ROBO1: variants seen among roughly 807,000 people sequenced by gnomAD.
ROBO1 encodes roundabout homolog 1.
A neutral mutation model predicts 195.9 loss-of-function variants in ROBO1; 149 were observed. That is an observed-to-expected ratio of 0.76 (90% CI 0.67 to 0.87). The LOEUF is 0.87. ROBO1 is among the 40% of genes least tolerant of loss of function. The pLI is 0.00. For synonymous variants in ROBO1, 816 were observed against 733.2 expected (o/e 1.11, Z -1.82); for missense variants, 1,933 against 2,068.3 (o/e 0.93, Z 1.27).
At chr3:79,685,844 A>C (rs967100827) in intron 1 of ROBO1, among the ~76,000 whole-genome samples, 7 of 152,192 alleles carry the variant, frequency 4.6e-5, no homozygotes, top group Non-Finnish European at 1.0e-4. Context: ...CAATAGAAAA[A>C]GAGGGAATCT....
chr3:78,981,902 T>G (rs935614480), intron 3 of ROBO1, among the ~76,000 whole-genome samples: 1 of 151,896 alleles, frequency 6.6e-6, no homozygotes, highest in Non-Finnish European at 1.5e-5. Flanking sequence ...GAAATCCAAC[T>G]GTCTTAAAAC....
rs1708043372 is a variant in ROBO1, at chr3:78,671,159, T to A, written c.1343-858A>T. ...TAACCCTATGATTACATGAAAAAAATCTAAAATCTAAAAACTTTATCTGAC... is the reference window on the plus strand; with the variant it reads ...TAACCCTATGATTACATGAAAAAAAACTAAAATCTAAAAACTTTATCTGAC... On this transcript the variant is annotated intron_variant, in intron 10 of 30. Transcript: ENST00000464233. Among the ~76,000 whole-genome samples, 8 of 152,210 alleles carry A rather than the reference T, an allele frequency of 5.3e-5. No individual in the cohort carries two copies. The South Asian group carries it at 1.7e-3, about 32-fold the overall frequency.
intron 1 of ROBO1, among the ~76,000 whole-genome samples, chr3:79,742,487 C>G (rs1049481616): frequency 6.6e-6 from 1 of 152,002 alleles, no homozygotes; most frequent in Non-Finnish European, 1.5e-5. Flanking sequence ...GAACAGACGG[C>G]AAGACTCTCT....
At chr3:79,276,875 A>G (rs1441992568) in intron 2 of ROBO1, among the ~76,000 whole-genome samples, 2 of 152,096 alleles carry the variant, frequency 1.3e-5, no homozygotes, top group Non-Finnish European at 2.9e-5. Context: ...AGTGCTCAAC[A>G]CAATTGATCA....
chr3:79,597,128 CGTGTGTGT>C (rs10597144), intron 1 of ROBO1, among the ~76,000 whole-genome samples: 5 of 149,276 alleles, frequency 3.3e-5, no homozygotes, highest in African/African-American at 1.2e-4. Flanking sequence ...TGTGCATGCA[CGTGTGTGT>C]GTGTGTGTGT....
rs778490361 is a variant in ROBO1, at chr3:78,661,166, C to T, written c.2184G>A (p.Val728=). Residue 728 remains valine (V), a synonymous_variant, in exon 16 of 31, where the codon GTG becomes GTA. Transcript: ENST00000464233. ...CCACACTGTTTTTGGCTGGCGTCCT[C>T]ACTTCAAAAACTAACCAGTCTGATT... The part of the protein sequence containing the change: ...HGESDWLVFE[V]RTPAKNSVVI... 40 of 1,613,628 alleles carry T rather than the reference C, an allele frequency of 2.5e-5. No homozygotes were observed. The highest frequency in any genetic ancestry group is 3.3e-5 in the Non-Finnish European group (39 of 1,179,826).
At chr3:79,010,165 C>CA (rs2077739562) in intron 3 of ROBO1, among the ~76,000 whole-genome samples, 1 of 151,998 alleles carries the variant, frequency 6.6e-6, no homozygotes, top group African/African-American at 2.4e-5. Context: ...AGTTCCCTCC[C>CA]AAAAAAGCAT....
intron 2 of ROBO1, among the ~76,000 whole-genome samples, chr3:79,442,680 T>C (rs1484642247): frequency 2.0e-5 from 3 of 152,030 alleles, no homozygotes; most frequent in Non-Finnish European, 2.9e-5. Flanking sequence ...TTTAAGGAGA[T>C]ACAAAAGGAC....
At chr3:78,659,095 C>G (rs116721373) in intron 17 of ROBO1, among the ~76,000 whole-genome samples, 7 of 152,148 alleles carry the variant, frequency 4.6e-5, no homozygotes, top group African/African-American at 1.4e-4. Flanking sequence ...TTTTTCTAGA[C>G]TAACACATAG....
intron 1 of ROBO1, among the ~76,000 whole-genome samples, chr3:79,742,674 T>G (rs1352290007): frequency 2.6e-5 from 4 of 152,176 alleles, no homozygotes; most frequent in African/African-American, 9.7e-5. Context: ...TACCCAGTCT[T>G]AGGTAGTTCT....
chr3:79,060,921 T>A (rs2078904752), intron 3 of ROBO1, among the ~76,000 whole-genome samples: 1 of 152,112 alleles, frequency 6.6e-6, no homozygotes. Flanking sequence ...CTGGAAGCAT[T>A]CCCTTTGAAA....
chr3:78,876,249 C>T (rs2035840035), intron 4 of ROBO1, among the ~76,000 whole-genome samples: 1 of 152,014 alleles, frequency 6.6e-6, no homozygotes, highest in South Asian at 2.1e-4. Flanking sequence ...TTATAGCATT[C>T]AAAATAGTTC....
chr3:79,486,920 C>T (rs1939188633), intron 2 of ROBO1, among the ~76,000 whole-genome samples: 1 of 152,182 alleles, frequency 6.6e-6, no homozygotes, highest in South Asian at 2.1e-4. Context: ...CAACTTTAGA[C>T]CTTTATCATC....
intron 2 of ROBO1, among the ~76,000 whole-genome samples, chr3:79,315,336 T>C (rs189730367): frequency 2.0e-5 from 3 of 152,248 alleles, no homozygotes; most frequent in African/African-American, 7.2e-5. Flanking sequence ...GACTACTGTA[T>C]TGAGGATATA....
chr3:78,720,099 C>T (rs138207152), intron 5 of ROBO1, among the ~76,000 whole-genome samples: 15 of 152,218 alleles, frequency 9.9e-5, no homozygotes, highest in East Asian at 5.8e-4. Context: ...CTCTGGTATG[C>T]GCATTGTAAA....
chr3:78,650,080 T>C (rs1323993720), intron 19 of ROBO1, among the ~76,000 whole-genome samples: 3 of 152,120 alleles, frequency 2.0e-5, no homozygotes, highest in Non-Finnish European at 4.4e-5. Flanking sequence ...AATTAGTCAC[T>C]CTTTTCCTCA....
At chr3:79,297,919 C>T (rs956212536) in intron 2 of ROBO1, among the ~76,000 whole-genome samples, 2 of 151,904 alleles carry the variant, frequency 1.3e-5, no homozygotes, top group African/African-American at 4.8e-5. Context: ...ATGCAACTAG[C>T]AATGAAGATC....
intron 4 of ROBO1, among the ~76,000 whole-genome samples, chr3:78,859,922 A>G (rs2106968877): frequency 6.6e-6 from 1 of 152,240 alleles, no homozygotes; most frequent in East Asian, 1.9e-4. Flanking sequence ...TACTAAAAAT[A>G]CAAAAAATTA....
chr3:78,648,400 C>G (rs1341073947), intron 19 of ROBO1, among the ~76,000 whole-genome samples: 1 of 151,998 alleles, frequency 6.6e-6, no homozygotes, highest in African/African-American at 2.4e-5. Context: ...GTAGGCTGGA[C>G]ATTCTTTTAA....
Sources: allele counts gnomAD v4.1 joint callset (sites outside exome capture counted in the v4.1 genomes callset), GRCh38; gene constraint gnomAD v4.1.1; transcripts MANE v1.5; gene names NCBI Gene and HGNC (gene_info 2026-07-23, HGNC 2026-07-21).